The following COL4A6 variants were observed in gnomAD, a reference collection of about 807,000 sequenced individuals.
COL4A6 encodes the protein collagen alpha-6(IV) chain.
COL4A6 carries 59 observed loss-of-function variants against 126.7 expected under a neutral mutation model. The ratio of observed to expected loss-of-function variants is 0.47; its 90% CI spans 0.38 to 0.58. The LOEUF (loss-of-function observed/expected upper bound fraction) is 0.58. COL4A6 is among the 20% of genes least tolerant of loss of function. The probability of loss-of-function intolerance (pLI) is 0.00; values close to 1 mark genes in which losing one functional copy is unlikely to be tolerated. For missense variants in COL4A6, 1,285 were observed against 1,337.3 expected, an observed-to-expected ratio of 0.96 and a Z score of 0.61; for synonymous variants, 547 against 496.6, an observed-to-expected ratio of 1.10 and a Z score of -1.35.
chrX:108,289,265 G>A (rs1344627165), intron 3 of COL4A6, among the ~76,000 whole-genome samples: 8 of 109,146 alleles, frequency 7.3e-5, no homozygotes, highest in African/African-American at 2.3e-4. Flanking sequence ...GTGTGTGTGT[G>A]TGTGTGTGTG....
chrX:108,424,706 T>G (rs752388489), intron 2 of COL4A6, among the ~76,000 whole-genome samples: 33 of 111,936 alleles, frequency 2.9e-4, no homozygotes, highest in African/African-American at 1.1e-3. Flanking sequence ...AATATCAGAT[T>G]TTAATTTCAT....
Position 108,175,081 on chromosome X carries a change from C to T in COL4A6, c.2956+9G>A. ...GAGCATTTCTCCTATCCATCCCCTGCCCCAGCACCTCTTGGCCCAGGAAAT... is the reference window on the plus strand; with the variant it reads ...GAGCATTTCTCCTATCCATCCCCTGTCCCAGCACCTCTTGGCCCAGGAAAT... On this transcript the variant is annotated intron_variant, in intron 30 of 44. Coordinates refer to ENST00000334504, the MANE Select transcript of COL4A6 (RefSeq NM_033641.4). 8.5e-7 allele frequency: 1 copy of T among 1,182,683 alleles called. No individual in the cohort carries two copies. The highest frequency in any genetic ancestry group is 2.4e-4 in the Middle Eastern group (1 of 4,200).
At chrX:108,234,141 C>T (rs748060287) in intron 3 of COL4A6, among the ~76,000 whole-genome samples, 2 of 111,660 alleles carry the variant, frequency 1.8e-5, no homozygotes, top group African/African-American at 6.5e-5. Flanking sequence ...ATGTATGACT[C>T]CATCTAATGC....
At chrX:108,284,902 G>A (rs1290286302) in intron 3 of COL4A6, among the ~76,000 whole-genome samples, 1 of 111,884 alleles carries the variant, frequency 8.9e-6, no homozygotes, top group Non-Finnish European at 1.9e-5. Flanking sequence ...AAATAACTTA[G>A]CCTCTCAGTG....
chrX:108,176,193 C>T (rs1462572583), intron 28 of COL4A6, among the ~76,000 whole-genome samples: 20 of 108,896 alleles, frequency 1.8e-4, no homozygotes, highest in Admixed American at 1.8e-3. Context: ...GGCGTGGTAG[C>T]GGGTGCCTAT....
intron 26 of COL4A6, 86 bp from the exon 27 acceptor site, chrX:108,178,931 G>C: frequency 9.9e-7 from 1 of 1,015,184 alleles, no homozygotes; most frequent in Non-Finnish European, 1.3e-6. Flanking sequence ...CTTATCCCAG[G>C]TGCCACTGTC....
chrX:108,322,170 C>G (rs762024055), intron 2 of COL4A6, among the ~76,000 whole-genome samples: 1 of 111,368 alleles, frequency 9.0e-6, no homozygotes, highest in Non-Finnish European at 1.9e-5. Context: ...TACACACACA[C>G]GGGCACACAC....
chrX:108,177,348 C>G (rs943508748), intron 27 of COL4A6, among the ~76,000 whole-genome samples: 6 of 112,227 alleles, frequency 5.3e-5, no homozygotes, highest in African/African-American at 1.9e-4. Context: ...GCCAGGGTGG[C>G]AAGTAGGCTC....
chrX:108,182,359 C>A (rs1161175370), intron 23 of COL4A6, among the ~76,000 whole-genome samples: 1 of 112,057 alleles, frequency 8.9e-6, no homozygotes, highest in African/African-American at 3.2e-5. Context: ...TCCTGCAAGG[C>A]CATCCTCAGG....
At chrX:108,209,852 T>C (rs1264409399) in intron 8 of COL4A6, 117 bp downstream of exon 8, 1 of 741,004 alleles carries the variant, frequency 1.3e-6, no homozygotes, top group Non-Finnish European at 2.0e-6. Flanking sequence ...CTACTTCAAC[T>C]GTCTAGATTT....
intron 2 of COL4A6, among the ~76,000 whole-genome samples, chrX:108,319,819 G>T (rs778078981): frequency 8.9e-6 from 1 of 112,054 alleles, no homozygotes; most frequent in Non-Finnish European, 1.9e-5. Context: ...TAAGAAGTAT[G>T]TTTAATTTTT....
At chrX:108,303,473 G>A in intron 3 of COL4A6, among the ~76,000 whole-genome samples, 1 of 111,870 alleles carries the variant, frequency 8.9e-6, no homozygotes, top group East Asian at 2.8e-4. Flanking sequence ...ATATGACTTA[G>A]CAGGGACAGC....
intron 40 of COL4A6, 55 bp from the exon 41 acceptor site, chrX:108,163,093 G>A (rs2034014820): frequency 6.2e-6 from 7 of 1,125,271 alleles, no homozygotes; most frequent in Non-Finnish European, 8.3e-6. Context: ...GGAGGTGACG[G>A]GGGCCCCAGA....
At chrX:108,343,165 A>ATATATAGTGTGTGTGTGTGTGTGT (rs1377817612) in intron 2 of COL4A6, among the ~76,000 whole-genome samples, 1 of 31,414 alleles carries the variant, frequency 3.2e-5, no homozygotes, top group African/African-American at 9.1e-5. Flanking sequence ...ATATATATAT[A>ATATATAGTGTGTGTGTGTGTGTGT]GTGTGTGTGT....
At position 108,195,079 on chromosome X, in the gene COL4A6, T is replaced by C. The variant is rs2035170215; in HGVS notation, c.948+3A>G. 8.3e-7 allele frequency: 1 copy of C among 1,199,111 alleles called. No individual in the cohort carries two copies. The highest frequency in any genetic ancestry group is 1.8e-5 in the African/African-American group (1 of 56,822). On this transcript the variant is annotated splice_donor_region_variant and intron_variant, in intron 15 of 44. Coordinates refer to ENST00000334504, the MANE Select transcript of COL4A6 (RefSeq NM_033641.4). ...AAGGCTTTAATGATATTAACCAAAA[T>C]ACCTGTTGCCCTGGAGGGCCTTGGA...
chrX:108,302,765 G>A (rs2038522950), intron 3 of COL4A6, among the ~76,000 whole-genome samples: 1 of 111,034 alleles, frequency 9.0e-6, no homozygotes, highest in South Asian at 3.9e-4. Context: ...CAGGAAAGCC[G>A]AAGAAAGCCA....
intron 17 of COL4A6, among the ~76,000 whole-genome samples, 158 bp from the exon 18 acceptor site, chrX:108,192,738 T>C (rs758920408): frequency 8.9e-6 from 1 of 112,524 alleles, no homozygotes; most frequent in African/African-American, 3.2e-5. Flanking sequence ...TGATAATGGG[T>C]CTTCTGGAGC....
chrX:108,282,413 C>T (rs2037865839), intron 3 of COL4A6, among the ~76,000 whole-genome samples: 1 of 111,056 alleles, frequency 9.0e-6, no homozygotes, highest in Admixed American at 9.5e-5. Context: ...TCATCACTGG[C>T]CATCAGAGAA....
Position 108,274,573 on chromosome X carries a change from G to A in COL4A6, c.144+36175C>T, listed in dbSNP as rs7060316. 3.8e-3 allele frequency among the ~76,000 whole-genome samples: 424 copies of A among 112,017 alleles called. 4 individuals are homozygous for A. The highest frequency in any genetic ancestry group is 0.013 in the African/African-American group (408 of 30,824). ...GCCGTGGAGAATCTCTTCCCATTCAGTGAAGCTCCAGAGGCCAGAGCATCA... is the reference window on the plus strand; with the variant it reads ...GCCGTGGAGAATCTCTTCCCATTCAATGAAGCTCCAGAGGCCAGAGCATCA... On this transcript the variant is annotated intron_variant, in intron 3 of 44. Coordinates refer to ENST00000334504, the MANE Select transcript of COL4A6 (RefSeq NM_033641.4).
Sources: allele counts gnomAD v4.1 joint callset (sites outside exome capture counted in the v4.1 genomes callset), GRCh38; gene constraint gnomAD v4.1.1; transcripts MANE v1.5; gene names NCBI Gene and HGNC (gene_info 2026-07-23, HGNC 2026-07-21).